Variants in LIPA observed in about 807,000 individuals in gnomAD.
LIPA encodes lipase A, lysosomal acid type.
Under a neutral mutation model 40.6 loss-of-function variants are expected in LIPA, and 26 were observed. That is an observed-to-expected ratio of 0.64 (90% CI 0.47 to 0.89). The LOEUF is 0.89. Among genes scored for constraint, LIPA ranks in the 40% least tolerant of loss-of-function variants. The pLI, the probability that LIPA is intolerant of heterozygous loss-of-function variation, is 0.00. For synonymous variants in LIPA, 188 were observed against 168.4 expected (o/e 1.12, Z -0.90); for missense variants, 455 against 479.6 (o/e 0.95, Z 0.48).
intron 1 of LIPA, among the ~76,000 whole-genome samples, chr10:89,275,177 T>C (rs1017073911): frequency 6.6e-6 from 1 of 152,164 alleles, no homozygotes; most frequent in African/African-American, 2.4e-5. Context: ...GAAGCAACTA[T>C]TTAGCCTTTT....
chr10:89,309,102 A>C (rs1237967684), intron 1 of LIPA: 3 of 152,234 alleles, frequency 2.0e-5, no homozygotes, highest in African/African-American at 7.2e-5. Context: ...AGGGCTTCGG[A>C]TAACAGCTGC....
rs182555814 is a variant in LIPA, at chr10:89,407,313, C to T, written c.61+5478G>A. Among the ~76,000 whole-genome samples, 1,011 of 152,266 alleles carry T rather than the reference C, an allele frequency of 6.6e-3. 14 individuals carry two copies. Among genetic ancestry groups the T allele is most frequent in the Non-Finnish European group, 6.7e-3 (453 of 68,016 alleles). ...CAAACTTCCTCTTGCTTCTCTTCTCCGAGGCTAGTCCCGCTTCTAAAAACC... is the reference window on the plus strand; with the variant it reads ...CAAACTTCCTCTTGCTTCTCTTCTCTGAGGCTAGTCCCGCTTCTAAAAACC... On this transcript the variant is annotated intron_variant, in intron 2 of 8. Transcript: ENST00000371837.
chr10:89,229,861 G>C (rs1426820634), intron 3 of LIPA, among the ~76,000 whole-genome samples: 4 of 152,050 alleles, frequency 2.6e-5, no homozygotes, highest in Admixed American at 1.3e-4. Context: ...GTTCATAACA[G>C]GGGAGTGTGG....
chr10:89,292,363 A>G (rs1843379491), intron 1 of LIPA: 1 of 152,248 alleles, frequency 6.6e-6, no homozygotes, highest in Non-Finnish European at 1.5e-5. Context: ...ACTGTGGCCA[A>G]CAAAGCGAAT....
At chr10:89,356,153 C>T (rs1358518553) in intron 2 of LIPA, among the ~76,000 whole-genome samples, 2 of 152,114 alleles carry the variant, frequency 1.3e-5, no homozygotes, top group Non-Finnish European at 2.9e-5. Context: ...ATTGGGACCC[C>T]TTTCCTGTAA....
chr10:89,295,015 TGAAATGAAAGGAAAG>T (rs1843404264), intron 1 of LIPA, among the ~76,000 whole-genome samples: 17 of 60,304 alleles, frequency 2.8e-4, no homozygotes, highest in East Asian at 9.1e-4. Context: ...GGAAAGGAAA[TGAAATGAAAGGAAAG>T]GAAAGGAAAG....
intron 2 of LIPA, among the ~76,000 whole-genome samples, chr10:89,370,941 C>G (rs1245252402): frequency 6.6e-6 from 1 of 152,164 alleles, no homozygotes; most frequent in Non-Finnish European, 1.5e-5. Context: ...TTGCTTGAAC[C>G]CAGGAGGCAG....
At chr10:89,396,225 A>G (rs992657123) in intron 2 of LIPA, among the ~76,000 whole-genome samples, 1 of 152,340 alleles carries the variant, frequency 6.6e-6, no homozygotes, top group Non-Finnish European at 1.5e-5. Flanking sequence ...CCAGCAATGT[A>G]TGAGGGTTTC....
intron 1 of LIPA, among the ~76,000 whole-genome samples, chr10:89,272,875 T>C (rs1843272576): frequency 1.3e-5 from 2 of 152,278 alleles, no homozygotes; most frequent in Admixed American, 1.3e-4. Flanking sequence ...CACTTGATTG[T>C]TGTCTGCATG....
rs568333852 is a variant in LIPA, at chr10:89,315,480, G to A, written c.-2+27131C>T. ...TGTGCAGCTACAGGATGGAGGAAAC[G>A]CTTCTAGCTAACAATTCCTTCATTA... is the stretch of plus-strand genomic sequence containing the variant. On this transcript the variant is annotated intron_variant, in intron 1 of 5. Transcript: ENST00000282673. Among the ~76,000 whole-genome samples, 14 of 152,070 alleles carry A rather than the reference G, an allele frequency of 9.2e-5. No homozygotes were observed. The East Asian group carries it at 2.5e-3, about 27-fold the overall frequency.
chr10:89,320,247 G>GT (rs1229867516), intron 1 of LIPA, among the ~76,000 whole-genome samples: 2 of 152,144 alleles, frequency 1.3e-5, no homozygotes, highest in East Asian at 3.8e-4. Context: ...GAAATAAAGG[G>GT]TATTCAATTA....
In LIPA at chr10:89,396,654, G is replaced by C. The variant is rs78961727; in HGVS notation, c.61+16137C>G. On this transcript the variant is annotated intron_variant, in intron 2 of 8. Transcript: ENST00000371837. ...CACTAGACCCTACCTCCAAAATTGT[G>C]ACACTAGAGATCAAATTTCCGTAGA... Among the ~76,000 whole-genome samples the C allele has an allele frequency of 2.8e-4, 43 of 152,278 alleles. No individual in the cohort carries two copies. The East Asian group carries it at 7.7e-3, about 27-fold the overall frequency.
intron 1 of LIPA, among the ~76,000 whole-genome samples, chr10:89,275,348 A>G (rs1278235704): frequency 1.3e-5 from 2 of 152,150 alleles, no homozygotes; most frequent in Non-Finnish European, 1.5e-5. Flanking sequence ...AGTTAGCTCC[A>G]TGATGAAGGG....
chr10:89,405,342 AATCAT>A (rs1241142474), intron 2 of LIPA: 8 of 152,252 alleles, frequency 5.3e-5, no homozygotes, highest in African/African-American at 1.9e-4. Context: ...GATTATGAAT[AATCAT>A]ATTTTATTGA....
rs34783616 is a variant in LIPA, at chr10:89,306,393, G to C, written c.-2+36218C>G. 376 of 1,614,020 alleles carry C rather than the reference G, an allele frequency of 2.3e-4. No individual in the cohort carries two copies. The highest frequency in any genetic ancestry group is 3.0e-4 in the Non-Finnish European group (353 of 1,180,030). On this transcript the variant is annotated intron_variant, in intron 1 of 5. Coordinates refer to the LIPA transcript ENST00000282673. Reference sequence around the variant, plus strand: ...CTTGACTGTGAGGAAGGGTGGACACGGTTAAAGTGTGGAGGAAACCAAAAT... The same window carrying C: ...CTTGACTGTGAGGAAGGGTGGACACCGTTAAAGTGTGGAGGAAACCAAAAT...
intron 2 of LIPA, among the ~76,000 whole-genome samples, chr10:89,385,466 T>C (rs1049968869): frequency 1.3e-4 from 20 of 152,166 alleles, no homozygotes; most frequent in African/African-American, 4.6e-4. Context: ...TAAGAATCAT[T>C]TTCCTTAAAA....
chr10:89,269,643 C>T (rs1316888661), intron 1 of LIPA, among the ~76,000 whole-genome samples: 1 of 152,092 alleles, frequency 6.6e-6, no homozygotes, highest in African/African-American at 2.4e-5. Context: ...CTTATATGTT[C>T]CTCTTTTGGG....
chr10:89,409,262 G>A (rs992887316), intron 2 of LIPA, among the ~76,000 whole-genome samples: 3 of 152,158 alleles, frequency 2.0e-5, no homozygotes, highest in Non-Finnish European at 4.4e-5. Context: ...TAGGGACCAA[G>A]AGGAACAGGC....
At chr10:89,329,584 T>C (rs556086753) in intron 1 of LIPA, among the ~76,000 whole-genome samples, 1 of 152,194 alleles carries the variant, frequency 6.6e-6, no homozygotes, top group South Asian at 2.1e-4. Context: ...AATTTCCAAA[T>C]GGGAAAATCA....
Sources: gnomAD v4.1 joint callset for allele counts (sites outside exome capture counted in the v4.1 genomes callset) on GRCh38, gnomAD v4.1.1 for gene constraint, MANE v1.5 for transcripts, NCBI Gene and HGNC (gene_info 2026-07-23, HGNC 2026-07-21) for gene names.